Variants in GRM7 observed in about 807,000 individuals in gnomAD.
The protein encoded by GRM7 is metabotropic glutamate receptor 7.
In GRM7, 35 loss-of-function variants were observed where a neutral mutation model predicts 84.5. That is an observed-to-expected ratio of 0.41 (90% CI 0.32 to 0.55). The LOEUF (loss-of-function observed/expected upper bound fraction) is 0.55. Ranked by LOEUF, GRM7 falls within the 20% of genes least tolerant of loss-of-function variation. The pLI is 0.19. For missense variants in GRM7, 1,003 were observed against 1,194.6 expected (o/e 0.84, Z 2.36); for synonymous variants, 487 against 455.1 (o/e 1.07, Z -0.89).
intron 4 of GRM7, among the ~76,000 whole-genome samples, chr3:7,392,907 C>T (rs182439207): frequency 1.3e-5 from 2 of 152,310 alleles, no homozygotes; most frequent in East Asian, 1.9e-4. Flanking sequence ...TAGACATATA[C>T]GGGGTAGCCA....
At chr3:6,957,933 G>A (rs1016198727) in intron 1 of GRM7, among the ~76,000 whole-genome samples, 4 of 152,150 alleles carry the variant, frequency 2.6e-5, no homozygotes, top group South Asian at 2.1e-4. Flanking sequence ...ATAATATAAC[G>A]TAGAATGGCA....
intron 1 of GRM7, among the ~76,000 whole-genome samples, chr3:6,992,411 C>A (rs1694674592): frequency 6.6e-6 from 1 of 152,084 alleles, no homozygotes; most frequent in South Asian, 2.1e-4. Flanking sequence ...ATCACAAAAA[C>A]AAGAACAAAT....
chr3:6,903,430 A>C (rs552440701), intron 1 of GRM7, among the ~76,000 whole-genome samples: 5 of 152,116 alleles, frequency 3.3e-5, no homozygotes, highest in Non-Finnish European at 5.9e-5. Context: ...ATTTTTCATG[A>C]TATAATTATA....
At chr3:7,160,037 G>C (rs568611282) in intron 2 of GRM7, among the ~76,000 whole-genome samples, 32 of 152,182 alleles carry the variant, frequency 2.1e-4, no homozygotes, top group African/African-American at 7.7e-4. Flanking sequence ...AGGAAAAGTT[G>C]GGCTTTTAGG....
intron 2 of GRM7, among the ~76,000 whole-genome samples, chr3:7,167,739 G>A (rs915550667): frequency 6.6e-6 from 1 of 151,914 alleles, no homozygotes; most frequent in African/African-American, 2.4e-5. Flanking sequence ...GGAGGCCGAG[G>A]CGGGCGGATC....
At chr3:7,592,146 AGAGGCAT>A (rs1695814696) in intron 8 of GRM7, among the ~76,000 whole-genome samples, 1 of 152,178 alleles carries the variant, frequency 6.6e-6, no homozygotes, top group Admixed American at 6.6e-5. Context: ...TGTATGCAGA[AGAGGCAT>A]GAGCAAGCAA....
At chr3:6,976,356 A>T (rs1332943676) in intron 1 of GRM7, among the ~76,000 whole-genome samples, 1 of 152,238 alleles carries the variant, frequency 6.6e-6, no homozygotes, top group African/African-American at 2.4e-5. Context: ...TAATAAGCAT[A>T]GACTTCTCAC....
At chr3:7,702,863 T>TA (rs558173769) in intron 9 of GRM7, among the ~76,000 whole-genome samples, 1 of 152,034 alleles carries the variant, frequency 6.6e-6, no homozygotes, top group African/African-American at 2.4e-5. Flanking sequence ...TATGACATTT[T>TA]AAAAAATACA....
intron 7 of GRM7, among the ~76,000 whole-genome samples, chr3:7,494,563 T>G (rs1482399451): frequency 2.0e-5 from 3 of 152,202 alleles, no homozygotes; most frequent in African/African-American, 7.2e-5. Flanking sequence ...TCTCTTTCTC[T>G]TCTCCTTCTG....
At chr3:7,088,095 A>T (rs753760535) in intron 1 of GRM7, among the ~76,000 whole-genome samples, 2 of 152,160 alleles carry the variant, frequency 1.3e-5, no homozygotes, top group African/African-American at 2.4e-5. Flanking sequence ...TACCATGAAA[A>T]TTACTGTGAA....
intron 4 of GRM7, among the ~76,000 whole-genome samples, chr3:7,392,728 C>G (rs1345869786): frequency 2.0e-5 from 3 of 152,134 alleles, no homozygotes; most frequent in African/African-American, 7.2e-5. Context: ...TGACTCATGC[C>G]AAGGATAAGA....
chr3:7,269,649 T>C (rs1698780935), intron 2 of GRM7, among the ~76,000 whole-genome samples: 1 of 152,236 alleles, frequency 6.6e-6, no homozygotes, highest in Middle Eastern at 3.2e-3. Flanking sequence ...AGGCTGGTGA[T>C]GTACATGCAT....
intron 7 of GRM7, among the ~76,000 whole-genome samples, chr3:7,522,246 A>G (rs1176549753): frequency 2.0e-5 from 3 of 152,158 alleles, no homozygotes; most frequent in Admixed American, 1.3e-4. Flanking sequence ...GTGTCATTCT[A>G]TAACATCTTT....
At chr3:7,192,904 G>C (rs1169953803) in intron 2 of GRM7, among the ~76,000 whole-genome samples, 1 of 151,896 alleles carries the variant, frequency 6.6e-6, no homozygotes, top group Non-Finnish European at 1.5e-5. Context: ...TAACCTCTTG[G>C]GTACTAATCC....
At position 7,229,718 on chromosome 3, in the gene GRM7, G is replaced by GAC. The variant is rs143657971; in HGVS notation, c.737-68958_737-68957dup. Among the ~76,000 whole-genome samples, 33 of 55,428 alleles carry GAC rather than the reference G, an allele frequency of 6.0e-4. 2 individuals are homozygous for GAC. The highest frequency in any genetic ancestry group is 1.0e-3 in the South Asian group (1 of 972). 36.4% of individuals were successfully genotyped at this position (55,428 alleles called of 152,430 possible). A position where few individuals can be genotyped will look rare whatever the true frequency, so the allele number is the denominator to read the frequency against. The stretch of plus-strand genomic sequence containing the variant: ...TCCTTCCCCAACCCCGCTCTCCATA[G>GAC]ACACACACATATATATATATATATA... On this transcript the variant is annotated intron_variant, in intron 2 of 9. Coordinates refer to ENST00000357716, the MANE Select transcript of GRM7 (RefSeq NM_000844.4).
intron 7 of GRM7, among the ~76,000 whole-genome samples, chr3:7,546,249 C>G (rs542055224): frequency 1.3e-5 from 2 of 152,254 alleles, no homozygotes; most frequent in East Asian, 3.9e-4. Flanking sequence ...CTAGAGTCAC[C>G]ATCTGCATTC....
chr3:7,038,397 C>G (rs572919641), intron 1 of GRM7, among the ~76,000 whole-genome samples: 66 of 152,268 alleles, frequency 4.3e-4, no homozygotes, highest in African/African-American at 1.4e-3. Context: ...TTGCTTGATT[C>G]CGCTTTCCCT....
intron 1 of GRM7, among the ~76,000 whole-genome samples, chr3:6,999,556 T>G (rs529871529): frequency 6.6e-6 from 1 of 152,300 alleles, no homozygotes; most frequent in South Asian, 2.1e-4. Context: ...TCCATTCTCA[T>G]GGTGCTATAA....
intron 2 of GRM7, among the ~76,000 whole-genome samples, chr3:7,179,560 T>A (rs1695269560): frequency 6.6e-6 from 1 of 152,210 alleles, no homozygotes; most frequent in Non-Finnish European, 1.5e-5. Flanking sequence ...ATGCGTACCT[T>A]AAAAAAGGTG....
Sources: allele counts gnomAD v4.1 joint callset (sites outside exome capture counted in the v4.1 genomes callset), GRCh38; gene constraint gnomAD v4.1.1; transcripts MANE v1.5; gene names NCBI Gene and HGNC (gene_info 2026-07-23, HGNC 2026-07-21).